Variants in REXO1 observed in about 807,000 individuals in gnomAD.
REXO1 encodes REX1, RNA exonuclease 1 homolog.
In REXO1, 42 loss-of-function variants were observed where a neutral mutation model predicts 102.6. The ratio of observed to expected loss-of-function variants is 0.41; its 90% CI spans 0.32 to 0.53. The LOEUF (loss-of-function observed/expected upper bound fraction) is 0.53. Among genes scored for constraint, REXO1 ranks in the 20% least tolerant of loss-of-function variants. The pLI is 0.27. For synonymous variants in REXO1, 908 were observed against 779.1 expected, an observed-to-expected ratio of 1.17 and a Z score of -2.76; for missense variants, 1,819 against 1,732.5, an observed-to-expected ratio of 1.05 and a Z score of -0.89.
rs1486496891 is a variant in REXO1 at position 1,827,959 on chromosome 19, T to A, written c.830A>T (p.Asp277Val). The A allele has an allele frequency of 6.2e-7, 1 of 1,613,392 alleles. No homozygotes were observed. Among genetic ancestry groups the A allele is most frequent in the Non-Finnish European group, 8.5e-7 (1 of 1,179,828 alleles). ...CCTTGCATCGCAACTGCCAAAGGGG[T>A]CACAGAGCTTCTTGGGAGCAGGTGT... Reference protein sequence around the residue: ...PYTPAPKKLCDPFGSCDARFS... With the variant: ...PYTPAPKKLCVPFGSCDARFS... The change falls in exon 2 of 16, where the codon GAC (aspartate) becomes GTC (valine). Residue 277 changes from aspartate to valine, a missense_variant. Physicochemically the swap from Asp to Val is radical, Grantham distance 152 (BLOSUM62 -3). Coordinates refer to ENST00000170168, the MANE Select transcript of REXO1 (RefSeq NM_020695.4).
chr19:1,828,819 G>A (rs2069825546), intron 1 of REXO1, among the ~76,000 whole-genome samples, 188 bp from the exon 2 acceptor site: 1 of 152,262 alleles, frequency 6.6e-6, no homozygotes, highest in Non-Finnish European at 1.5e-5. Context: ...CAGGCCCTGT[G>A]CCGGGCCCCG....
At position 1,815,851 on chromosome 19, in the gene REXO1, G is replaced by T. The variant is rs1369999301; in HGVS notation, c.*215C>A. 1.3e-6 allele frequency: 2 copies of T among 1,519,806 alleles called. No homozygotes were observed. Among genetic ancestry groups the T allele is most frequent in the South Asian group, 1.2e-5 (1 of 82,698 alleles). 94.1% of individuals were successfully genotyped at this position (1,519,806 alleles called of 1,614,324 possible). A position where few individuals can be genotyped will look rare whatever the true frequency, so the allele number is the denominator to read the frequency against. On this transcript the variant is annotated 3_prime_UTR_variant, in exon 16 of 16. Transcript: ENST00000170168. This position sits in a 1 kb window ranked among gnomAD's most constrained non-coding sequence, Gnocchi z 4.0. ...CAGTTTCTAGAGACGCCAGAGGGCT[G>T]GGGGGCAGAGGGTGGGGACCGGCGG...
rs1185784693 is a variant in REXO1, at chr19:1,817,764, C to A, written c.3033G>T (p.Glu1011Asp). 1.2e-6 allele frequency: 2 copies of A among 1,612,008 alleles called. No individual in the cohort carries two copies. Among genetic ancestry groups the A allele is most frequent in the African/African-American group, 2.7e-5 (2 of 74,946 alleles). ...LRRNRVAGGW[E>D]TQYMCCSAAA... ...CAGCCGAGCAGCACATGTACTGGGT[C>A]TCCCAGCCTCCGGCCACTGCAGGGG... is the stretch of plus-strand genomic sequence containing the variant. The change falls in exon 11 of 16, where the codon GAG becomes GAT. Residue 1011 changes from glutamate to aspartate, a missense_variant. Glu to Asp is a conservative substitution (Grantham distance 45). Coordinates refer to ENST00000170168, the MANE Select transcript of REXO1 (RefSeq NM_020695.4).
At chr19:1,821,712 G>A (rs1486388921) in intron 4 of REXO1, 30 bp from the exon 5 acceptor site, 2 of 1,587,712 alleles carry the variant, frequency 1.3e-6, no homozygotes, top group Non-Finnish European at 1.7e-6. Flanking sequence ...GTGGGCACAG[G>A]GCGAGTGGCT....
Position 1,816,553 on chromosome 19 carries a change from C to T in REXO1, c.3334G>A (p.Glu1112Lys), listed in dbSNP as rs369823597. ...ACACTTGTGTCGGCAAGGTCAGCCT[C>T]CGTCACCCCCGAAAACCTGGGGGAA... ...DYNTRFSGVT[E>K]ADLADTSVTL... The change falls in exon 14 of 16, where the codon GAG becomes AAG. Residue 1112 changes from glutamate to lysine, a missense_variant. Transcript: ENST00000170168. The T allele has an allele frequency of 4.6e-5, 74 of 1,610,468 alleles. No individual in the cohort carries two copies. Among genetic ancestry groups the T allele is most frequent in the Non-Finnish European group, 5.6e-5 (66 of 1,178,520 alleles).
At chr19:1,840,497 CAGG>C (rs1367756488) in intron 1 of REXO1, among the ~76,000 whole-genome samples, 13 of 152,208 alleles carry the variant, frequency 8.5e-5, no homozygotes, top group Admixed American at 7.2e-4. Context: ...AAGCCCAGAG[CAGG>C]AGAACATCCC....
At chr19:1,824,911 G>A (rs763847261) in intron 3 of REXO1, among the ~76,000 whole-genome samples, 10 of 151,816 alleles carry the variant, frequency 6.6e-5, no homozygotes, top group East Asian at 3.9e-4. Flanking sequence ...TCAGCCTCCC[G>A]AGTAGCTGGG....
chr19:1,841,737 G>A (rs898647894), intron 1 of REXO1, among the ~76,000 whole-genome samples: 5 of 152,044 alleles, frequency 3.3e-5, no homozygotes, highest in South Asian at 4.1e-4. Context: ...TCTGGGGAGC[G>A]GCTCAGGCAC....
chr19:1,842,213 C>CAA (rs566792887), intron 1 of REXO1, among the ~76,000 whole-genome samples: 12 of 76,536 alleles, frequency 1.6e-4, no homozygotes, highest in African/African-American at 3.8e-4. Context: ...GATTCCGTTG[C>CAA]AAAAAAAAAA....
intron 1 of REXO1, among the ~76,000 whole-genome samples, chr19:1,836,619 G>A (rs2070044356): frequency 6.6e-6 from 1 of 152,064 alleles, no homozygotes; most frequent in African/African-American, 2.4e-5. Flanking sequence ...GGCGGCAGGC[G>A]CCTATAGTCC....
chr19:1,837,692 T>C (rs1568713777), intron 1 of REXO1, among the ~76,000 whole-genome samples: 2 of 152,104 alleles, frequency 1.3e-5, no homozygotes, highest in Non-Finnish European at 2.9e-5. Context: ...CCCCCAGGGT[T>C]CTCCTCGACC....
At chr19:1,847,633 G>A (rs948304069) in intron 1 of REXO1, among the ~76,000 whole-genome samples, 2 of 152,346 alleles carry the variant, frequency 1.3e-5, no homozygotes, top group East Asian at 1.9e-4. Flanking sequence ...GGAATTCCTC[G>A]GAGCCCACTC....
Position 1,828,273 on chromosome 19 carries a change from G to A in REXO1, c.516C>T (p.Ala172=), listed in dbSNP as rs2069801865. 2 of 1,606,634 alleles carry A rather than the reference G, an allele frequency of 1.2e-6. No individual in the cohort carries two copies. Among genetic ancestry groups the A allele is most frequent in the Non-Finnish European group, 1.7e-6 (2 of 1,176,602 alleles). Residue 172 remains alanine (A), a synonymous_variant, in exon 2 of 16, where the codon GCC becomes GCT. Transcript: ENST00000170168. ...DAGYQPTPLA[A]PAEPGSKYSL... ...AGTACTTGCTGCCCGGCTCGGCAGG[G>A]GCGGCCAGTGGGGTGGGCTGGTAGC...
At chr19:1,817,615 G>T in intron 11 of REXO1, 92 bp downstream of exon 11, 1 of 1,474,834 alleles carries the variant, frequency 6.8e-7, no homozygotes. Context: ...CCTGAGCCCA[G>T]GACTGTGCTG....
intron 10 of REXO1, 43 bp downstream of exon 10, chr19:1,818,439 G>A: frequency 1.4e-6 from 2 of 1,473,230 alleles, no homozygotes; most frequent in Non-Finnish European, 9.3e-7. Context: ...CCAGGTTCCG[G>A]GGGCCATGGG....
chr19:1,848,439 C>A lies in REXO1; in HGVS notation c.-81G>T. The A allele has an allele frequency of 9.6e-7, 1 of 1,043,580 alleles. No individual in the cohort carries two copies. The highest frequency in any genetic ancestry group is 1.2e-6 in the Non-Finnish European group (1 of 854,826). The allele number at this position is 1,043,580 out of a possible 1,614,324, so 64.6% of individuals were successfully genotyped here. ...CACTGGCGCCGCGGTCGCCGCCGCC[C>A]GCGCCTCACGGACCCCGCCGCCGCC... On this transcript the variant is annotated 5_prime_UTR_variant, in exon 1 of 16. Transcript: ENST00000170168.
At chr19:1,818,195 T>A (rs1290109585) in intron 10 of REXO1, among the ~76,000 whole-genome samples, 1 of 152,182 alleles carries the variant, frequency 6.6e-6, no homozygotes, top group South Asian at 2.1e-4. Flanking sequence ...AACCTCCACA[T>A]TTCCATGGAC....
In REXO1 at chr19:1,825,021, G is replaced by A. The variant is rs547862587; in HGVS notation, c.2016+818C>T. On this transcript the variant is annotated intron_variant, in intron 3 of 15. Transcript: ENST00000170168. The stretch of plus-strand genomic sequence containing the variant: ...AGGCTGGTCTCGAACTCCTGACCTC[G>A]TGATCTGCCCACCTCTGGGCGCAGT... 6.7e-5 allele frequency among the ~76,000 whole-genome samples: 10 copies of A among 148,178 alleles called. No homozygotes were observed. The East Asian group carries it at 1.3e-3, about 19-fold the overall frequency.
intron 7 of REXO1, 102 bp from the exon 8 acceptor site, chr19:1,819,233 CA>C: frequency 1.2e-6 from 1 of 858,106 alleles, no homozygotes; most frequent in Non-Finnish European, 1.8e-6. Context: ...ACCTCTGCCT[CA>C]ACTCCCCCTT....
Sources: allele counts gnomAD v4.1 joint callset (sites outside exome capture counted in the v4.1 genomes callset), GRCh38; gene constraint gnomAD v4.1.1; non-coding constraint Gnocchi (gnomAD v3.1); transcripts MANE v1.5; gene names NCBI Gene and HGNC (gene_info 2026-07-23, HGNC 2026-07-21).